Variants in INPP5A observed in about 807,000 individuals in gnomAD.
The protein encoded by INPP5A is inositol polyphosphate-5-phosphatase A.
In INPP5A, 14 loss-of-function variants were observed where a neutral mutation model predicts 65.2. That is an observed-to-expected ratio of 0.21 (90% CI 0.14 to 0.34). INPP5A has a LOEUF of 0.34. Ranked by LOEUF, INPP5A falls within the 10% of genes least tolerant of loss-of-function variation. The pLI is 1.00. For synonymous variants in INPP5A, 207 were observed against 208.3 expected (o/e 0.99, Z 0.05); for missense variants, 431 against 545.6 (o/e 0.79, Z 2.09).
intron 1 of INPP5A, among the ~76,000 whole-genome samples, chr10:132,578,266 C>A (rs1355779381): frequency 6.6e-6 from 1 of 152,178 alleles, no homozygotes; most frequent in Non-Finnish European, 1.5e-5. Context: ...GTTCAAGGGT[C>A]CAGGCGCTCC....
chr10:132,653,474 G>A (rs979253648), intron 4 of INPP5A, among the ~76,000 whole-genome samples: 1 of 152,146 alleles, frequency 6.6e-6, no homozygotes, highest in Non-Finnish European at 1.5e-5. Context: ...GCCTGTACGA[G>A]CTCTGGGGTT....
chr10:132,658,330 C>A (rs2072686491), intron 4 of INPP5A, among the ~76,000 whole-genome samples: 1 of 152,102 alleles, frequency 6.6e-6, no homozygotes, highest in South Asian at 2.1e-4. Context: ...CACATTATTT[C>A]TTTGGGGCTT....
In INPP5A at chr10:132,627,489, C is replaced by T. The variant is rs1329314405; in HGVS notation, c.118-18379C>T. Among the ~76,000 whole-genome samples the T allele has an allele frequency of 1.3e-5, 2 of 152,198 alleles. No individual in the cohort carries two copies. The highest frequency in any genetic ancestry group is 2.9e-5 in the Non-Finnish European group (2 of 68,032). On this transcript the variant is annotated intron_variant, in intron 2 of 15. Coordinates refer to ENST00000368594, the MANE Select transcript of INPP5A (RefSeq NM_005539.5). This position sits in a 1 kb window ranked among gnomAD's most constrained non-coding sequence, Gnocchi z 6.6. ...AGCTGTCCGCGGTGGCTGCCTCGTC[C>T]AGCAGCGTCCCTGCCAGAAGTGGGT...
intron 2 of INPP5A, among the ~76,000 whole-genome samples, chr10:132,625,234 C>G (rs2072167311): frequency 6.6e-6 from 1 of 151,352 alleles, no homozygotes; most frequent in Non-Finnish European, 1.5e-5. Context: ...TGTCCCTGTC[C>G]TTCCCCCTCA....
intron 9 of INPP5A, among the ~76,000 whole-genome samples, chr10:132,745,655 G>A (rs1846357043): frequency 6.6e-6 from 1 of 150,868 alleles, no homozygotes; most frequent in Non-Finnish European, 1.5e-5. Context: ...GGCCTCGGGT[G>A]TGGTGGCCCT....
At chr10:132,692,248 G>A (rs1398160339) in intron 5 of INPP5A, among the ~76,000 whole-genome samples, 1 of 152,162 alleles carries the variant, frequency 6.6e-6, no homozygotes, top group Non-Finnish European at 1.5e-5. Flanking sequence ...TGAAAAGCAA[G>A]AAGAAATGAG....
Position 132,576,932 on chromosome 10 carries a change from G to C in INPP5A, c.76-30983G>C, listed in dbSNP as rs57077912. Among the ~76,000 whole-genome samples, 905 of 152,352 alleles carry C rather than the reference G, an allele frequency of 5.9e-3. 9 individuals carry two copies. The highest frequency in any genetic ancestry group is 0.02 in the African/African-American group (841 of 41,586). ...TGTCTGCCCTGTTCCCAGAATGCTG[G>C]TCACACCCGCTGAATTGCTGTGAGC... On this transcript the variant is annotated intron_variant, in intron 1 of 15. Transcript: ENST00000368594.
intron 1 of INPP5A, among the ~76,000 whole-genome samples, chr10:132,543,683 G>T (rs1362452065): frequency 1.3e-5 from 2 of 152,276 alleles, no homozygotes; most frequent in Non-Finnish European, 2.9e-5. Context: ...CTCCCAAAGT[G>T]CTGGGCTTAC....
At position 132,707,683 on chromosome 10, in the gene INPP5A, T is replaced by G. The variant is rs1378129934; in HGVS notation, c.475-630T>G. On this transcript the variant is annotated intron_variant, in intron 6 of 15. Coordinates refer to ENST00000368594, the MANE Select transcript of INPP5A (RefSeq NM_005539.5). This position sits in a 1 kb window ranked among gnomAD's most constrained non-coding sequence, Gnocchi z 5.5. Reference sequence around the variant, plus strand: ...TTAAAGAACACCCCTCTTTGGAATCTCATGCTGTTGACTGTTTCACTTGAA... The same window carrying G: ...TTAAAGAACACCCCTCTTTGGAATCGCATGCTGTTGACTGTTTCACTTGAA... Among the ~76,000 whole-genome samples, 1 of 152,142 alleles carries G rather than the reference T, an allele frequency of 6.6e-6. No individual in the cohort carries two copies. Among genetic ancestry groups the G allele is most frequent in the Non-Finnish European group, 1.5e-5 (1 of 68,024 alleles).
chr10:132,761,676 G>T (rs537416622), intron 11 of INPP5A, among the ~76,000 whole-genome samples: 44 of 152,258 alleles, frequency 2.9e-4, no homozygotes, highest in Non-Finnish European at 5.4e-4. Flanking sequence ...CCAGTGCGGT[G>T]CAGGGACCCA....
chr10:132,745,897 A>AG (rs1256151586), intron 9 of INPP5A, among the ~76,000 whole-genome samples: 2 of 152,042 alleles, frequency 1.3e-5, no homozygotes, highest in Non-Finnish European at 2.9e-5. Flanking sequence ...GTGGCCCCCG[A>AG]GGAGGAGTGT....
intron 12 of INPP5A, among the ~76,000 whole-genome samples, chr10:132,770,451 C>T (rs879919342): frequency 2.0e-5 from 3 of 152,262 alleles, no homozygotes; most frequent in African/African-American, 4.8e-5. Context: ...GGAATTGTCA[C>T]GTCCATTGCC....
chr10:132,646,341 G>A (rs1028844585), intron 3 of INPP5A, among the ~76,000 whole-genome samples: 3 of 152,200 alleles, frequency 2.0e-5, no homozygotes, highest in African/African-American at 7.2e-5. Flanking sequence ...GAGGTCGGCA[G>A]GGAGCGTCTA....
intron 1 of INPP5A, among the ~76,000 whole-genome samples, chr10:132,560,940 G>T (rs1432535221): frequency 1.3e-5 from 2 of 151,192 alleles, no homozygotes; most frequent in Non-Finnish European, 1.5e-5. Flanking sequence ...AGTTTAAAGA[G>T]ATCTTTACAT....
rs550178549 is a variant in INPP5A, at chr10:132,752,285, A to T, written c.903+2440A>T. 3.3e-4 allele frequency among the ~76,000 whole-genome samples: 50 copies of T among 152,034 alleles called. 1 individual carries two copies. The highest frequency in any genetic ancestry group is 1.4e-3 in the Admixed American group (22 of 15,270). Reference sequence around the variant, plus strand: ...AAAGTGGAGGGTCCCTTGGAGGAGGATGCCAGGGAAGCCCAGGGAGATGGA... The same window carrying T: ...AAAGTGGAGGGTCCCTTGGAGGAGGTTGCCAGGGAAGCCCAGGGAGATGGA... On this transcript the variant is annotated intron_variant, in intron 11 of 15. Transcript: ENST00000368594.
Position 132,575,574 on chromosome 10 carries a change from A to G in INPP5A, c.76-32341A>G, listed in dbSNP as rs779587033. ...ACTATCCTACTTCCCTAACCCAACC[A>G]CAAGCAGCGGAGCCAGTTATTTCTT... On this transcript the variant is annotated intron_variant, in intron 1 of 15. Coordinates refer to ENST00000368594, the MANE Select transcript of INPP5A (RefSeq NM_005539.5). This position sits in a 1 kb window ranked among gnomAD's most constrained non-coding sequence, Gnocchi z 5.4. 6.6e-6 allele frequency among the ~76,000 whole-genome samples: 1 copy of G among 152,146 alleles called. No individual in the cohort carries two copies. The highest frequency in any genetic ancestry group is 2.4e-5 in the African/African-American group (1 of 41,438).
At chr10:132,548,392 G>C (rs1468553306) in intron 1 of INPP5A, among the ~76,000 whole-genome samples, 1 of 152,142 alleles carries the variant, frequency 6.6e-6, no homozygotes, top group African/African-American at 2.4e-5. Context: ...GCCCGTTGCC[G>C]GTGGCCCGGG....
intron 11 of INPP5A, among the ~76,000 whole-genome samples, chr10:132,755,264 T>A (rs1035673025): frequency 6.6e-6 from 1 of 150,584 alleles, no homozygotes; most frequent in African/African-American, 2.4e-5. Flanking sequence ...AGCAGGTGTG[T>A]GCATGTGAGC....
chr10:132,594,440 G>A (rs2133318890), intron 1 of INPP5A, among the ~76,000 whole-genome samples: 1 of 152,298 alleles, frequency 6.6e-6, no homozygotes, highest in African/African-American at 2.4e-5. Flanking sequence ...TGTAGCAACG[G>A]CCTAGGTGGT....
Sources: gnomAD v4.1 joint callset for allele counts (sites outside exome capture counted in the v4.1 genomes callset) on GRCh38, gnomAD v4.1.1 for gene constraint, Gnocchi (gnomAD v3.1) non-coding constraint, MANE v1.5 for transcripts, NCBI Gene and HGNC (gene_info 2026-07-23, HGNC 2026-07-21) for gene names.